Variants in FHOD3 observed in about 807,000 individuals in gnomAD.
The protein encoded by FHOD3 is formin homology 2 domain containing 3, also known as FH1/FH2 domain-containing protein 3.
FHOD3 carries 90 observed loss-of-function variants against 173.0 expected under a neutral mutation model. That is an observed-to-expected ratio of 0.52 (90% CI 0.44 to 0.62). The LOEUF is 0.62. Among genes scored for constraint, FHOD3 ranks in the 20% least tolerant of loss-of-function variants. The pLI is 0.00. For synonymous variants in FHOD3, 828 were observed against 823.0 expected (o/e 1.01, Z -0.10); for missense variants, 1,945 against 2,034.7 (o/e 0.96, Z 0.85).
intron 5 of FHOD3, among the ~76,000 whole-genome samples, chr18:36,555,101 T>C (rs925728918): frequency 6.6e-5 from 10 of 152,198 alleles, no homozygotes; most frequent in Non-Finnish European, 1.2e-4. Flanking sequence ...TAACCAGCTC[T>C]TATTTTTCTA....
In FHOD3 at chr18:36,693,374, GGCTCTCACGGT is replaced by G; in HGVS notation, c.2189_2199del (p.Ala730ValfsTer19). 1 of 1,613,904 alleles carries G rather than the reference GGCTCTCACGGT, an allele frequency of 6.2e-7. No individual in the cohort carries two copies. Among genetic ancestry groups the G allele is most frequent in the Non-Finnish European group, 8.5e-7 (1 of 1,179,864 alleles). On this transcript the variant is annotated frameshift_variant, in exon 17 of 29. Coordinates refer to ENST00000590592, the MANE Select transcript of FHOD3 (RefSeq NM_001281740.3). LOFTEE classifies it high-confidence loss of function. Reference sequence around the variant, plus strand: ...GCCCCTCATCTTCAGACTCTCAAGAGGCTCTCACGGTGTCTGCCTCCTCCCCAGGAACCCCT... The same window carrying G: ...GCCCCTCATCTTCAGACTCTCAAGAGGTCTGCCTCCTCCCCAGGAACCCCT...
chr18:36,740,833 G>T lies in FHOD3; in HGVS notation c.3754G>T (p.Glu1252Ter), dbSNP rs772488613. The part of the protein sequence containing the change: ...WAFKMDYETT[E>*]KEVAEPLLDL... ...ATTCAAAATGGATTATGAAACTACAGAAAAGGTAAGCTCTCTGTAAGAGAG... is the reference window on the plus strand; with the variant it reads ...ATTCAAAATGGATTATGAAACTACATAAAAGGTAAGCTCTCTGTAAGAGAG... Residue 1252 changes from glutamate (E) to a stop codon, truncating the protein, a stop_gained, in exon 21 of 29, where the codon GAA becomes TAA. Coordinates refer to ENST00000590592, the MANE Select transcript of FHOD3 (RefSeq NM_001281740.3). LOFTEE classifies it high-confidence loss of function. 6.2e-7 allele frequency: 1 copy of T among 1,608,792 alleles called. No individual in the cohort carries two copies. The highest frequency in any genetic ancestry group is 8.5e-7 in the Non-Finnish European group (1 of 1,178,738).
intron 4 of FHOD3, among the ~76,000 whole-genome samples, chr18:36,511,693 A>C (rs2146313193): frequency 6.6e-6 from 1 of 152,264 alleles, no homozygotes; most frequent in South Asian, 2.1e-4. Context: ...TAGTGGGGCT[A>C]ACAAGTTCCT....
In FHOD3 at chr18:36,617,111, AG is replaced by A. The variant is rs1206056819; in HGVS notation, c.957+5019del. On this transcript the variant is annotated intron_variant, in intron 9 of 28. Coordinates refer to ENST00000590592, the MANE Select transcript of FHOD3 (RefSeq NM_001281740.3). The stretch of plus-strand genomic sequence containing the variant: ...TATTTACTATAAGTAGTCCATAGCC[AG>A]GGACATCCTGCTAAGGGTATTCCAG... Among the ~76,000 whole-genome samples the A allele has an allele frequency of 3.9e-5, 6 of 152,366 alleles. No homozygotes were observed. The East Asian group carries it at 9.6e-4, about 24-fold the overall frequency.
chr18:36,761,579 A>G (rs943667443), intron 27 of FHOD3, among the ~76,000 whole-genome samples: 3 of 152,058 alleles, frequency 2.0e-5, no homozygotes, highest in Non-Finnish European at 4.4e-5. Flanking sequence ...TGCTCGTCCT[A>G]GAGTCCCCGC....
rs1157532983 is a variant in FHOD3, at chr18:36,760,758, CG to C, written c.4601del (p.Arg1534ProfsTer67). ...GGACGCCACCCCCGCGCTGGGCGTCCGCACACGCAGCCGAGCAAGCCGAGGT... is the reference window on the plus strand; with the variant it reads ...GGACGCCACCCCCGCGCTGGGCGTCCCACACGCAGCCGAGCAAGCCGAGGT... ...VEDATPALGV[R>X]TRSRASRGST... On this transcript the variant is annotated frameshift_variant, in exon 27 of 29. Coordinates refer to ENST00000590592, the MANE Select transcript of FHOD3 (RefSeq NM_001281740.3). LOFTEE classifies it high-confidence loss of function. 6.2e-7 allele frequency: 1 copy of C among 1,610,820 alleles called. No individual in the cohort carries two copies. Among genetic ancestry groups the C allele is most frequent in the Non-Finnish European group, 8.5e-7 (1 of 1,179,256 alleles).
At chr18:36,317,905 A>G (rs901250649) in intron 1 of FHOD3, among the ~76,000 whole-genome samples, 1 of 152,176 alleles carries the variant, frequency 6.6e-6, no homozygotes, top group African/African-American at 2.4e-5. Flanking sequence ...ATTTTTGTAT[A>G]AGGTATAAGG....
intron 5 of FHOD3, among the ~76,000 whole-genome samples, chr18:36,571,936 A>G (rs2058467224): frequency 6.6e-6 from 1 of 152,214 alleles, no homozygotes; most frequent in Non-Finnish European, 1.5e-5. Flanking sequence ...TTAGGCAAGG[A>G]GTTTTCCCAC....
chr18:36,434,672 T>C (rs2050721523), intron 3 of FHOD3, among the ~76,000 whole-genome samples: 1 of 152,178 alleles, frequency 6.6e-6, no homozygotes, highest in Admixed American at 6.5e-5. Context: ...CTTAATAATA[T>C]TGAGTCTTCT....
chr18:36,449,647 CA>C (rs2051706838), intron 3 of FHOD3, among the ~76,000 whole-genome samples: 1 of 152,172 alleles, frequency 6.6e-6, no homozygotes, highest in South Asian at 2.1e-4. Flanking sequence ...CAGCCTAAAA[CA>C]ACTTTTAGTG....
At chr18:36,578,093 A>G (rs2058721559) in intron 6 of FHOD3, among the ~76,000 whole-genome samples, 1 of 152,192 alleles carries the variant, frequency 6.6e-6, no homozygotes, top group Non-Finnish European at 1.5e-5. Context: ...TGAATTAAAC[A>G]GGTCACAGAA....
chr18:36,409,656 T>C (rs939807824), intron 3 of FHOD3, among the ~76,000 whole-genome samples: 1 of 152,124 alleles, frequency 6.6e-6, no homozygotes, highest in Non-Finnish European at 1.5e-5. Context: ...GTTTAGTGAA[T>C]GAATAAAGAA....
chr18:36,718,893 G>T (rs2040608333), intron 19 of FHOD3, among the ~76,000 whole-genome samples, 178 bp downstream of exon 19: 1 of 152,188 alleles, frequency 6.6e-6, no homozygotes, highest in Non-Finnish European at 1.5e-5. Flanking sequence ...GGCTACATGA[G>T]TCAGAGACCC....
chr18:36,475,118 C>T (rs2145256777), intron 3 of FHOD3, among the ~76,000 whole-genome samples: 1 of 152,088 alleles, frequency 6.6e-6, no homozygotes, highest in Non-Finnish European at 1.5e-5. Flanking sequence ...GTAAAGTGTT[C>T]TGACTTGCAG....
intron 7 of FHOD3, among the ~76,000 whole-genome samples, chr18:36,597,671 C>T (rs1294661128): frequency 6.6e-6 from 1 of 152,152 alleles, no homozygotes; most frequent in East Asian, 1.9e-4. Context: ...CGTGATCCAC[C>T]CGCCTTGGCC....
intron 3 of FHOD3, among the ~76,000 whole-genome samples, chr18:36,430,852 T>C (rs1183534943): frequency 6.6e-6 from 1 of 152,146 alleles, no homozygotes; most frequent in Non-Finnish European, 1.5e-5. Context: ...AAAAACAATC[T>C]GTTGTTATTG....
At position 36,718,436 on chromosome 18, in the gene FHOD3, C is replaced by T. The variant is rs552511625; in HGVS notation, c.3138C>T (p.Pro1046=). The T allele has an allele frequency of 6.2e-7, 1 of 1,607,798 alleles. No individual in the cohort carries two copies. The highest frequency in any genetic ancestry group is 8.5e-7 in the Non-Finnish European group (1 of 1,175,192). The part of the protein sequence containing the change: ...PPPPLLDSIP[P]PPVPGNLLVP... ...CGCCCCTGTTGGACAGCATTCCTCC[C>T]CCTCCTGTCCCTGGTAATTTATTGG... The change falls in exon 19 of 29, where the codon CCC becomes CCT. Residue 1046 remains proline, a synonymous_variant. Coordinates refer to ENST00000590592, the MANE Select transcript of FHOD3 (RefSeq NM_001281740.3).
chr18:36,419,728 TCA>T (rs1234554003), intron 3 of FHOD3, among the ~76,000 whole-genome samples: 1 of 152,186 alleles, frequency 6.6e-6, no homozygotes. Context: ...CTGACAGACC[TCA>T]GAGACTGGAG....
chr18:36,437,678 T>TC, intron 3 of FHOD3, among the ~76,000 whole-genome samples: 1 of 133,864 alleles, frequency 7.5e-6, no homozygotes, highest in Non-Finnish European at 1.7e-5. Flanking sequence ...TTTTTTTTTT[T>TC]TTTTAAGACA....
Sources: gnomAD v4.1 joint callset for allele counts (sites outside exome capture counted in the v4.1 genomes callset) on GRCh38, gnomAD v4.1.1 for gene constraint, MANE v1.5 for transcripts, NCBI Gene and HGNC (gene_info 2026-07-23, HGNC 2026-07-21) for gene names.